Variants in RNF44 observed in about 807,000 individuals in gnomAD.
RNF44 encodes the protein ring finger protein 44.
A neutral mutation model predicts 53.6 loss-of-function variants in RNF44; 25 were observed. The ratio of observed to expected loss-of-function variants is 0.47; its 90% CI spans 0.34 to 0.65. The LOEUF (loss-of-function observed/expected upper bound fraction) is 0.65, where lower values mean the gene tolerates loss of function less well. Among genes scored for constraint, RNF44 ranks in the 30% least tolerant of loss-of-function variants. RNF44 has a pLI of 0.01. For synonymous variants in RNF44, 282 were observed against 252.2 expected (o/e 1.12, Z -1.12); for missense variants, 581 against 595.5 (o/e 0.98, Z 0.25).
rs990628856 is a variant in RNF44, at chr5:176,532,608, T to C, written c.-44-92A>G. 9 of 1,130,548 alleles carry C rather than the reference T, an allele frequency of 8.0e-6. No homozygotes were observed. The African/African-American group carries it at 1.1e-4, about 14-fold the overall frequency. 70.0% of individuals were successfully genotyped at this position (1,130,548 alleles called of 1,614,324 possible). On this transcript the variant is annotated intron_variant, in intron 1 of 10. Coordinates refer to ENST00000274811, the MANE Select transcript of RNF44 (RefSeq NM_014901.5). ...AAATACAAAAACTAGCCAGGCATGGTGGTGGACACCTGTAATCCCAGCTAC... is the reference window on the plus strand; with the variant it reads ...AAATACAAAAACTAGCCAGGCATGGCGGTGGACACCTGTAATCCCAGCTAC...
chr5:176,532,273 C>A (rs1756755036), intron 2 of RNF44, 80 bp from the exon 3 acceptor site: 2 of 1,510,894 alleles, frequency 1.3e-6, no homozygotes, highest in Admixed American at 2.1e-5. Flanking sequence ...CAGGGTGACT[C>A]CCCCCATGGG....
chr5:176,542,591 A>T (rs1473650843), upstream of RNF44: 1 of 152,096 alleles, frequency 6.6e-6, no homozygotes, highest in East Asian at 1.9e-4. Context: ...ATCGAGGAAG[A>T]CAAGTCTACC....
upstream of RNF44, among the ~76,000 whole-genome samples, chr5:176,539,383 A>T (rs1455252637): frequency 6.6e-6 from 1 of 152,196 alleles, no homozygotes; most frequent in Non-Finnish European, 1.5e-5. Context: ...CCACCACATA[A>T]AAGCAATTTG....
At position 176,532,183 on chromosome 5, in the gene RNF44, C is replaced by T. The variant is rs868777240; in HGVS notation, c.118G>A (p.Glu40Lys). Residue 40 changes from glutamate (E) to lysine (K), a missense_variant, in exon 3 of 11, where the codon GAG (glutamate) becomes AAG (lysine). Glu to Lys is a moderately conservative substitution (Grantham distance 56). Around this residue, in one of 3 missense-constraint regions of RNF44, gnomAD observed 387 missense variants for 366.0 expected, o/e 1.06. Transcript: ENST00000274811. ...GCAGGCGGGCTGGCCAGGGGGCCCT[C>T]GAGGCCAGGGCTGCACCACAGAGAG... The part of the protein sequence containing the change: ...PGQLWGSPGL[E>K]GPLASPPARD... 6 of 1,529,072 alleles carry T rather than the reference C, an allele frequency of 3.9e-6. No homozygotes were observed. The highest frequency in any genetic ancestry group is 3.8e-5 in the South Asian group (3 of 79,478). The allele number at this position is 1,529,072 out of a possible 1,614,324, so 94.7% of individuals were successfully genotyped here.
At position 176,528,262 on chromosome 5, in the gene RNF44, T is replaced by C. The variant is rs1199741739; in HGVS notation, c.*766A>G. 1.3e-5 allele frequency: 2 copies of C among 152,220 alleles called. No individual in the cohort carries two copies. The highest frequency in any genetic ancestry group is 2.4e-5 in the African/African-American group (1 of 41,438). 9.4% of individuals were successfully genotyped at this position (152,220 alleles called of 1,614,324 possible). On this transcript the variant is annotated 3_prime_UTR_variant, in exon 11 of 11. Transcript: ENST00000274811. ...CAAAAACTGCTGCTCCTCACGTTCA[T>C]GCAAAACAACAGAGGGAGAGGAGAT...
At position 176,530,571 on chromosome 5, in the gene RNF44, G is replaced by T; in HGVS notation, c.801+11C>A. 4 of 1,422,360 alleles carry T rather than the reference G, an allele frequency of 2.8e-6. No homozygotes were observed. In the South Asian group the frequency reaches 5.9e-5, roughly 21 times the overall value. 88.1% of individuals were successfully genotyped at this position (1,422,360 alleles called of 1,614,324 possible). Reference sequence around the variant, plus strand: ...CCCTGGAGCCCAGGTGGGGGTCGGGGTGGCACTCACCACACCAAAGGACAG... The same window carrying T: ...CCCTGGAGCCCAGGTGGGGGTCGGGTTGGCACTCACCACACCAAAGGACAG... On this transcript the variant is annotated intron_variant, in intron 6 of 10. Coordinates refer to ENST00000274811, the MANE Select transcript of RNF44 (RefSeq NM_014901.5).
In RNF44 at chr5:176,530,728, C is replaced by T. The variant is rs559418514; in HGVS notation, c.655G>A (p.Asp219Asn). ...TCCCCACGCAGGTCCACGTCGTTGTCGAGCCGCTGGAGGGGCTGGAAGAAC... is the reference window on the plus strand; with the variant it reads ...TCCCCACGCAGGTCCACGTCGTTGTTGAGCCGCTGGAGGGGCTGGAAGAAC... ...QHPRMPLQRLDNDVDLRGDQP... is the reference protein window; with the variant it reads ...QHPRMPLQRLNNDVDLRGDQP... Residue 219 changes from aspartate to asparagine, a missense_variant, in exon 6 of 11, where the codon GAC becomes AAC. This residue lies in a region of RNF44 where 387 missense variants were observed against 366.0 expected (regional missense o/e 1.06). Coordinates refer to ENST00000274811, the MANE Select transcript of RNF44 (RefSeq NM_014901.5). The T allele has an allele frequency of 5.8e-6, 9 of 1,540,732 alleles. No homozygotes were observed. The highest frequency in any genetic ancestry group is 1.4e-5 in the African/African-American group (1 of 71,174).
upstream of RNF44, among the ~76,000 whole-genome samples, chr5:176,541,162 C>T (rs988551390): frequency 2.0e-5 from 3 of 152,222 alleles, no homozygotes; most frequent in Non-Finnish European, 2.9e-5. Context: ...TGGCCCACCT[C>T]TGCTCTGGCA....
At position 176,528,380 on chromosome 5, in the gene RNF44, G is replaced by T; in HGVS notation, c.*648C>A. On this transcript the variant is annotated 3_prime_UTR_variant, in exon 11 of 11. Coordinates refer to ENST00000274811, the MANE Select transcript of RNF44 (RefSeq NM_014901.5). ...ATGGCCCAAGCCCCTCAGGATACGT[G>T]TGCCCCAGCTCGGGATTAGGCTGGG... The T allele has an allele frequency of 6.6e-6, 1 of 152,498 alleles. No individual in the cohort carries two copies. The highest frequency in any genetic ancestry group is 1.5e-5 in the Non-Finnish European group (1 of 68,216). 9.4% of individuals were successfully genotyped at this position (152,498 alleles called of 1,614,324 possible). A position where few individuals can be genotyped will look rare whatever the true frequency, so the allele number is the denominator to read the frequency against.
At chr5:176,534,868 A>T (rs1190107524) in intron 1 of RNF44, among the ~76,000 whole-genome samples, 2 of 152,180 alleles carry the variant, frequency 1.3e-5, no homozygotes, top group East Asian at 3.9e-4. Flanking sequence ...TCTGGCCATA[A>T]AGCACCCATG....
At chr5:176,535,022 C>T (rs1250388794) in intron 1 of RNF44, among the ~76,000 whole-genome samples, 1 of 152,194 alleles carries the variant, frequency 6.6e-6, no homozygotes, top group East Asian at 1.9e-4. Context: ...TACAAAGGCA[C>T]CCACTCCCCA....
chr5:176,529,927 G>A (rs1756401840), intron 7 of RNF44, 109 bp from the exon 8 acceptor site: 3 of 1,396,302 alleles, frequency 2.1e-6, no homozygotes, highest in East Asian at 2.4e-5. Flanking sequence ...TTGCAGCGGG[G>A]AAGGGAGCCC....
intron 1 of RNF44, among the ~76,000 whole-genome samples, chr5:176,536,653 G>T (rs760464415): frequency 1.5e-4 from 23 of 152,164 alleles, no homozygotes; most frequent in Non-Finnish European, 2.2e-4. Context: ...CCATGTGCTC[G>T]GCGTGAGACA....
At chr5:176,535,274 G>A (rs1757050039) in intron 1 of RNF44, among the ~76,000 whole-genome samples, 1 of 152,240 alleles carries the variant, frequency 6.6e-6, no homozygotes. Flanking sequence ...GGCAACAGCA[G>A]AAGCAACTTG....
At chr5:176,529,866 G>A (rs1399578483) in intron 7 of RNF44, 48 bp from the exon 8 acceptor site, 2 of 1,500,048 alleles carry the variant, frequency 1.3e-6, no homozygotes, top group East Asian at 2.3e-5. Flanking sequence ...CAGGAGTGGG[G>A]CACACAGAGC....
upstream of RNF44, among the ~76,000 whole-genome samples, chr5:176,541,814 G>A (rs1046937223): frequency 1.3e-5 from 2 of 152,176 alleles, no homozygotes; most frequent in Admixed American, 1.3e-4. Context: ...ACCTTCCCAG[G>A]ATGGAGCTGG....
chr5:176,528,939 G>A lies in RNF44; in HGVS notation c.*89C>T. ...CAGGCAGGAGCGAAGGGGCAGGCCT[G>A]GGCCACTCCCTCCCCATCCTCCCTG... On this transcript the variant is annotated 3_prime_UTR_variant, in exon 11 of 11. Transcript: ENST00000274811. 2 of 1,310,412 alleles carry A rather than the reference G, an allele frequency of 1.5e-6. No individual in the cohort carries two copies. The highest frequency in any genetic ancestry group is 1.1e-6 in the Non-Finnish European group (1 of 932,874). 81.2% of individuals were successfully genotyped at this position (1,310,412 alleles called of 1,614,324 possible).
chr5:176,529,711 A>G lies in RNF44; in HGVS notation c.1014+20T>C. The stretch of plus-strand genomic sequence containing the variant: ...GCAGGTCTCCCAAACCCCACCTCCC[A>G]GCATGGGGCTCCATGGGACCTCATA... On this transcript the variant is annotated intron_variant, in intron 8 of 10. Transcript: ENST00000274811. 3 of 1,610,910 alleles carry G rather than the reference A, an allele frequency of 1.9e-6. No individual in the cohort carries two copies. The highest frequency in any genetic ancestry group is 2.5e-6 in the Non-Finnish European group (3 of 1,178,458).
Position 176,527,502 on chromosome 5 carries a change from A to C in RNF44, c.*1526T>G, listed in dbSNP as rs1756131910. ...CACGTGGGTTTTCAACACTGCTATA[A>C]ATATAGAAACGTCACCTGGAGTTAT... On this transcript the variant is annotated 3_prime_UTR_variant, in exon 11 of 11. Transcript: ENST00000274811. The C allele has an allele frequency of 6.6e-6, 1 of 152,492 alleles. No individual in the cohort carries two copies. Among genetic ancestry groups the C allele is most frequent in the African/African-American group, 2.4e-5 (1 of 41,432 alleles). The allele number at this position is 152,492 out of a possible 1,614,324, so 9.4% of individuals were successfully genotyped here. A position where few individuals can be genotyped will look rare whatever the true frequency, so the allele number is the denominator to read the frequency against.
Sources: gnomAD v4.1 joint callset for allele counts (sites outside exome capture counted in the v4.1 genomes callset) on GRCh38, gnomAD v4.1.1 for gene constraint, gnomAD v4.1.1 regional missense constraint, MANE v1.5 for transcripts, NCBI Gene and HGNC (gene_info 2026-07-23, HGNC 2026-07-21) for gene names.